ZFHX3: variants seen among roughly 807,000 people sequenced by gnomAD.
The protein encoded by ZFHX3 is zinc finger homeobox 3.
A neutral mutation model predicts 279.1 loss-of-function variants in ZFHX3; 42 were observed. The observed-to-expected ratio is 0.15, with a 90% confidence interval of 0.12 to 0.19. ZFHX3 has a LOEUF of 0.19. ZFHX3 is among the 10% of genes least tolerant of loss of function. ZFHX3 has a pLI of 1.00. For synonymous variants in ZFHX3, 2,293 were observed against 1,957.8 expected, an observed-to-expected ratio of 1.17 and a Z score of -4.52; for missense variants, 4,981 against 4,754.0, an observed-to-expected ratio of 1.05 and a Z score of -1.40.
rs576632624 is a variant in ZFHX3 at position 73,109,219 on chromosome 16, C to G, written c.-896-15621G>C. ...GTGAGTGAGTGAATGAGGATGTGAA[C>G]GCATGCGTGTGCATAGGTTTCGTGT... On this transcript the variant is annotated intron_variant, in intron 7 of 17. Coordinates refer to the ZFHX3 transcript ENST00000641206. 6.6e-5 allele frequency among the ~76,000 whole-genome samples: 10 copies of G among 152,308 alleles called. 1 individual carries two copies. The South Asian group carries it at 2.1e-3, about 32-fold the overall frequency.
intron 3 of ZFHX3, among the ~76,000 whole-genome samples, chr16:73,381,180 AAT>A (rs1309541758): frequency 6.6e-6 from 1 of 152,194 alleles, no homozygotes; most frequent in Non-Finnish European, 1.5e-5. Flanking sequence ...GAACTAAACA[AAT>A]AGATATCTTC....
chr16:73,171,514 C>A (rs974069466), intron 5 of ZFHX3, among the ~76,000 whole-genome samples: 1 of 35,712 alleles, frequency 2.8e-5, no homozygotes, highest in African/African-American at 1.3e-4. Context: ...GGGTGGGGGG[C>A]GGGCAGAGTG....
intron 1 of ZFHX3, among the ~76,000 whole-genome samples, chr16:73,878,741 T>A (rs2030038013): frequency 1.3e-5 from 2 of 151,742 alleles, no homozygotes; most frequent in South Asian, 4.2e-4. Context: ...GGGGACATTA[T>A]CAAGGAAGCT....
chr16:73,411,325 T>A (rs762840988), intron 3 of ZFHX3, among the ~76,000 whole-genome samples: 14 of 152,232 alleles, frequency 9.2e-5, no homozygotes, highest in Non-Finnish European at 1.5e-4. Flanking sequence ...TTGTTAAAAT[T>A]TCATCAGAAA....
At chr16:73,255,620 C>T (rs1301702056) in intron 5 of ZFHX3, among the ~76,000 whole-genome samples, 1 of 152,162 alleles carries the variant, frequency 6.6e-6, no homozygotes, top group Admixed American at 6.5e-5. Context: ...ACAGTCACCC[C>T]ACTGAGCAAT....
At chr16:73,034,880 G>A (rs1265686506) in intron 1 of ZFHX3, among the ~76,000 whole-genome samples, 2 of 152,152 alleles carry the variant, frequency 1.3e-5, no homozygotes, top group African/African-American at 2.4e-5. Flanking sequence ...AGCATGTCGG[G>A]GGAGCCAGGC....
At chr16:73,527,366 T>C (rs942230704) in intron 2 of ZFHX3, among the ~76,000 whole-genome samples, 1 of 152,188 alleles carries the variant, frequency 6.6e-6, no homozygotes, top group Non-Finnish European at 1.5e-5. Context: ...GTTGTGTCTA[T>C]GAACTCCTAT....
intron 2 of ZFHX3, among the ~76,000 whole-genome samples, chr16:73,622,565 AAAAG>A (rs143963139): frequency 4.6e-4 from 70 of 151,282 alleles, no homozygotes; most frequent in African/African-American, 7.4e-4. Context: ...CTGTCTCCAA[AAAAG>A]AAAGAAAGAA....
At chr16:73,108,881 G>A (rs926603135) in intron 7 of ZFHX3, among the ~76,000 whole-genome samples, 2 of 152,380 alleles carry the variant, frequency 1.3e-5, no homozygotes, top group East Asian at 3.9e-4. Context: ...GCCTGGTGGC[G>A]ATGGGGAGGG....
intron 1 of ZFHX3, among the ~76,000 whole-genome samples, chr16:73,716,145 C>T (rs2053412271): frequency 6.6e-6 from 1 of 152,012 alleles, no homozygotes; most frequent in Non-Finnish European, 1.5e-5. Flanking sequence ...CCCACAAGAA[C>T]CATCATTATG....
At chr16:73,578,764 G>C (rs566893477) in intron 2 of ZFHX3, among the ~76,000 whole-genome samples, 1 of 152,054 alleles carries the variant, frequency 6.6e-6, no homozygotes, top group African/African-American at 2.4e-5. Flanking sequence ...TTTAAAAGTA[G>C]TGAAAATAGA....
At chr16:73,158,329 T>A (rs1290462985) in intron 5 of ZFHX3, among the ~76,000 whole-genome samples, 3 of 152,142 alleles carry the variant, frequency 2.0e-5, no homozygotes, top group South Asian at 2.1e-4. Flanking sequence ...TAGTTTAAAA[T>A]CTTTATAAGA....
chr16:73,542,928 G>A (rs2143753521), intron 2 of ZFHX3, among the ~76,000 whole-genome samples: 1 of 152,276 alleles, frequency 6.6e-6, no homozygotes, highest in African/African-American at 2.4e-5. Context: ...TGGGGGAAAT[G>A]TATTCCTAAC....
intron 3 of ZFHX3, among the ~76,000 whole-genome samples, chr16:73,376,842 C>G (rs773057449): frequency 2.0e-5 from 3 of 152,120 alleles, no homozygotes; most frequent in Non-Finnish European, 4.4e-5. Context: ...GAGAGTTGCT[C>G]CATGATCTAA....
chr16:72,986,564 T>C (rs1962852712), intron 1 of ZFHX3, among the ~76,000 whole-genome samples: 1 of 152,196 alleles, frequency 6.6e-6, no homozygotes, highest in Admixed American at 6.5e-5. Context: ...TTAGTTTTTA[T>C]TAGCAGTGGA....
intron 2 of ZFHX3, among the ~76,000 whole-genome samples, chr16:73,621,655 G>A (rs1345226089): frequency 6.6e-6 from 1 of 152,114 alleles, no homozygotes; most frequent in Non-Finnish European, 1.5e-5. Flanking sequence ...AACAGTTCCT[G>A]AGAATTTAGG....
intron 4 of ZFHX3, among the ~76,000 whole-genome samples, chr16:73,281,982 T>A (rs1003601535): frequency 4.6e-5 from 7 of 152,126 alleles, no homozygotes. Flanking sequence ...AGCACAAAGC[T>A]ACCTCAAAGG....
At chr16:72,925,642 T>C (rs1421619049) in intron 3 of ZFHX3, among the ~76,000 whole-genome samples, 2 of 152,246 alleles carry the variant, frequency 1.3e-5, no homozygotes, top group African/African-American at 2.4e-5. Flanking sequence ...CCTTTCACTT[T>C]GAAGCAATGA....
intron 3 of ZFHX3, among the ~76,000 whole-genome samples, chr16:73,395,333 G>A (rs1037525738): frequency 2.6e-5 from 4 of 152,100 alleles, no homozygotes; most frequent in Admixed American, 1.3e-4. Flanking sequence ...GTGTGGAGGC[G>A]CTTGCCTGTA....
Sources: allele counts gnomAD v4.1 joint callset (sites outside exome capture counted in the v4.1 genomes callset), GRCh38; gene constraint gnomAD v4.1.1; transcripts MANE v1.5; gene names NCBI Gene and HGNC (gene_info 2026-07-23, HGNC 2026-07-21).